The following ETV6 variants were observed in gnomAD, a reference collection of about 807,000 sequenced individuals.
ETV6 encodes the protein transcription factor ETV6.
ETV6 carries 16 observed loss-of-function variants against 51.1 expected under a neutral mutation model. That is an observed-to-expected ratio of 0.31 (90% CI 0.21 to 0.48). The LOEUF (loss-of-function observed/expected upper bound fraction) is 0.48. Ranked by LOEUF, ETV6 falls within the 20% of genes least tolerant of loss-of-function variation. The pLI, the probability that ETV6 is intolerant of heterozygous loss-of-function variation, is 0.99. For synonymous variants in ETV6, 240 were observed against 224.1 expected (o/e 1.07, Z -0.64); for missense variants, 458 against 594.8 (o/e 0.77, Z 2.39).
intron 5 of ETV6, among the ~76,000 whole-genome samples, chr12:11,874,921 A>G (rs1358036833): frequency 6.7e-6 from 1 of 148,566 alleles, no homozygotes; most frequent in Non-Finnish European, 1.5e-5. Flanking sequence ...GGGGAGGGAT[A>G]GCATTAGGAG....
intron 1 of ETV6, chr12:11,750,743 T>A (rs1324794734): frequency 1.1e-5 from 5 of 443,294 alleles, no homozygotes; most frequent in Non-Finnish European, 2.2e-5. Context: ...GAAGCCCACC[T>A]CACCTTTAAA....
rs1946584189 is a variant in ETV6, at chr12:11,853,305, G to C, written c.329-122G>C. 4.6e-6 allele frequency: 5 copies of C among 1,078,586 alleles called. No homozygotes were observed. The South Asian group carries it at 5.6e-5, about 12-fold the overall frequency. 66.8% of individuals were successfully genotyped at this position (1,078,586 alleles called of 1,614,324 possible). A position where few individuals can be genotyped will look rare whatever the true frequency, so the allele number is the denominator to read the frequency against. Reference sequence around the variant, plus strand: ...CCCCATGAGCTTGGTGAGGGTAGGAGGTGGCAGGTGCGCTCCAATTGTATC... The same window carrying C: ...CCCCATGAGCTTGGTGAGGGTAGGACGTGGCAGGTGCGCTCCAATTGTATC... On this transcript the variant is annotated intron_variant, in intron 3 of 7. Transcript: ENST00000396373.
intron 4 of ETV6, among the ~76,000 whole-genome samples, chr12:11,860,564 C>CAA (rs11413276): frequency 6.8e-4 from 93 of 135,780 alleles, no homozygotes; most frequent in South Asian, 1.9e-3. Context: ...GACTCTGTCT[C>CAA]AAAAAAAAAA....
chr12:11,823,660 G>T (rs1365205126), intron 2 of ETV6, among the ~76,000 whole-genome samples: 1 of 152,052 alleles, frequency 6.6e-6, no homozygotes, highest in East Asian at 1.9e-4. Flanking sequence ...TAGAGACGGG[G>T]TTTCACTATG....
Position 11,874,545 on chromosome 12 carries a change from C to CACACATATGTGTGTAT in ETV6, c.1009+4584_1009+4585insGTGTGTATACACATAT, listed in dbSNP as rs1565562511. Among the ~76,000 whole-genome samples the CACACATATGTGTGTAT allele has an allele frequency of 2.0e-3, 13 of 6,642 alleles. 6 individuals are homozygous for CACACATATGTGTGTAT. The highest frequency in any genetic ancestry group is 3.6e-3 in the Admixed American group (2 of 558). 4.4% of individuals were successfully genotyped at this position (6,642 alleles called of 152,430 possible). A position where few individuals can be genotyped will look rare whatever the true frequency, so the allele number is the denominator to read the frequency against. On this transcript the variant is annotated intron_variant, in intron 5 of 7. Transcript: ENST00000396373. ...ACATATATGTGTATGTGCGTGTGTACACACATATATGTGTATGTGCGTGTG... is the reference window on the plus strand; with the variant it reads ...ACATATATGTGTATGTGCGTGTGTACACACATATGTGTGTATACACATATATGTGTATGTGCGTGTG...
rs114592951 is a variant in ETV6 at position 11,672,978 on chromosome 12, C to G, written c.33+22818C>G. 7.3e-3 allele frequency among the ~76,000 whole-genome samples: 1,109 copies of G among 152,334 alleles called. 8 individuals are homozygous for G. Among genetic ancestry groups the G allele is most frequent in the African/African-American group, 0.025 (1,032 of 41,572 alleles). ...GAAGGCTGCCTGTTGGAGAAAACCT[C>G]TGTGTTCCCTTAGCCTTTTCACTGA... On this transcript the variant is annotated intron_variant, in intron 1 of 7. Coordinates refer to ENST00000396373, the MANE Select transcript of ETV6 (RefSeq NM_001987.5).
intron 5 of ETV6, among the ~76,000 whole-genome samples, chr12:11,873,266 C>G (rs529768052): frequency 6.6e-6 from 1 of 152,266 alleles, no homozygotes; most frequent in East Asian, 1.9e-4. Context: ...GATTCTGTAA[C>G]CCTCCCAAGA....
At chr12:11,676,262 G>T (rs1198408453) in intron 1 of ETV6, among the ~76,000 whole-genome samples, 2 of 152,216 alleles carry the variant, frequency 1.3e-5, no homozygotes, top group Non-Finnish European at 2.9e-5. Context: ...AGGAGTTATA[G>T]TGACACAGCT....
intron 5 of ETV6, among the ~76,000 whole-genome samples, chr12:11,879,582 C>G (rs544445358): frequency 6.6e-6 from 1 of 152,128 alleles, no homozygotes; most frequent in Non-Finnish European, 1.5e-5. Context: ...GGTACCTCAC[C>G]CAGCAGGAAG....
chr12:11,703,091 A>G (rs1021818591), intron 1 of ETV6, among the ~76,000 whole-genome samples: 3 of 152,222 alleles, frequency 2.0e-5, no homozygotes, highest in Non-Finnish European at 4.4e-5. Flanking sequence ...TGGGTGACAG[A>G]GTGAGACCTC....
intron 1 of ETV6, among the ~76,000 whole-genome samples, chr12:11,690,904 A>AAATAAATAAATAAAT (rs1335149198): frequency 6.6e-6 from 1 of 150,646 alleles, no homozygotes; most frequent in Non-Finnish European, 1.5e-5. Flanking sequence ...ATAAATAAAT[A>AAATAAATAAATAAAT]AATAAAATTA....
At chr12:11,757,876 A>G (rs1246034690) in intron 2 of ETV6, among the ~76,000 whole-genome samples, 2 of 152,210 alleles carry the variant, frequency 1.3e-5, no homozygotes, top group Admixed American at 6.5e-5. Context: ...TCAGGATAAC[A>G]GCCTGTCCCT....
chr12:11,696,421 T>C (rs1204051360), intron 1 of ETV6, among the ~76,000 whole-genome samples: 1 of 152,184 alleles, frequency 6.6e-6, no homozygotes, highest in Non-Finnish European at 1.5e-5. Context: ...GTGAGTAAAA[T>C]AGGGATTAAA....
In ETV6 at chr12:11,746,219, C is replaced by T. The variant is rs529251104; in HGVS notation, c.34-6231C>T. Among the ~76,000 whole-genome samples the T allele has an allele frequency of 4.6e-5, 7 of 152,312 alleles. No homozygotes were observed. The South Asian group carries it at 1.5e-3, about 32-fold the overall frequency. The stretch of plus-strand genomic sequence containing the variant: ...GATTTTTACAAGCTTGAACCTGTCT[C>T]TTGGAATTCCCCATTGTGAAGTCAT... On this transcript the variant is annotated intron_variant, in intron 1 of 7. Coordinates refer to ENST00000396373, the MANE Select transcript of ETV6 (RefSeq NM_001987.5).
At chr12:11,889,108 G>C (rs1947249603) in intron 7 of ETV6, among the ~76,000 whole-genome samples, 1 of 152,176 alleles carries the variant, frequency 6.6e-6, no homozygotes, top group South Asian at 2.1e-4. Context: ...AAAGAAGAAA[G>C]GGGTGGTTTG....
Position 11,891,668 on chromosome 12 carries a change from G to GTTCTTCCCTTGGTCCCC in ETV6, c.*624_*640dup, listed in dbSNP as rs1404081591. The stretch of plus-strand genomic sequence containing the variant: ...GCTCTCTTTTTCTCTCTCTTGCTCT[G>GTTCTTCCCTTGGTCCCC]TTCTTCCCTTGGTCCCCTCTGTCCT... On this transcript the variant is annotated 3_prime_UTR_variant, in exon 8 of 8. Coordinates refer to ENST00000396373, the MANE Select transcript of ETV6 (RefSeq NM_001987.5). The GTTCTTCCCTTGGTCCCC allele has an allele frequency of 1.8e-5, 9 of 508,942 alleles. No homozygotes were observed. Among genetic ancestry groups the GTTCTTCCCTTGGTCCCC allele is most frequent in the Non-Finnish European group, 3.4e-5 (9 of 265,384 alleles). 31.5% of individuals were successfully genotyped at this position (508,942 alleles called of 1,614,324 possible).
intron 1 of ETV6, among the ~76,000 whole-genome samples, chr12:11,662,189 AT>A (rs1864112362): frequency 6.6e-6 from 1 of 152,232 alleles, no homozygotes; most frequent in Non-Finnish European, 1.5e-5. Context: ...ATATTTACTT[AT>A]CTTTTGGGTG....
intron 4 of ETV6, among the ~76,000 whole-genome samples, chr12:11,859,217 C>T (rs1946678859): frequency 7.1e-6 from 1 of 139,950 alleles, no homozygotes; most frequent in African/African-American, 2.7e-5. Flanking sequence ...TCTCGGTTCA[C>T]TGCAAGCTCC....
intron 1 of ETV6, among the ~76,000 whole-genome samples, chr12:11,676,169 G>A (rs1057028282): frequency 6.6e-6 from 1 of 152,196 alleles, no homozygotes; most frequent in Admixed American, 6.5e-5. Context: ...AGTCATTAGA[G>A]ACTAGAAGCT....
Sources: gnomAD v4.1 joint callset for allele counts (sites outside exome capture counted in the v4.1 genomes callset) on GRCh38, gnomAD v4.1.1 for gene constraint, MANE v1.5 for transcripts, NCBI Gene and HGNC (gene_info 2026-07-23, HGNC 2026-07-21) for gene names.